The following NRXN1 variants were observed in gnomAD, a reference collection of about 807,000 sequenced individuals.
The protein encoded by NRXN1 is neurexin-1.
Under a neutral mutation model 150.9 loss-of-function variants are expected in NRXN1, and 39 were observed. The ratio of observed to expected loss-of-function variants is 0.26; its 90% CI spans 0.20 to 0.34. The LOEUF (loss-of-function observed/expected upper bound fraction) is 0.34. NRXN1 is among the 10% of genes least tolerant of loss of function. NRXN1 has a pLI of 1.00. For missense variants in NRXN1, 1,815 were observed against 1,949.9 expected, an observed-to-expected ratio of 0.93 and a Z score of 1.30; for synonymous variants, 924 against 757.0, an observed-to-expected ratio of 1.22 and a Z score of -3.62.
intron 10 of NRXN1, among the ~76,000 whole-genome samples, chr2:50,534,315 T>C (rs561596331): frequency 9.5e-4 from 145 of 152,254 alleles, no homozygotes; most frequent in Non-Finnish European, 1.6e-3. Flanking sequence ...TAGGGAAGTG[T>C]CTATTTATCA....
intron 21 of NRXN1, among the ~76,000 whole-genome samples, chr2:50,037,712 T>C (rs1227378964): frequency 1.3e-5 from 2 of 152,212 alleles, no homozygotes; most frequent in Admixed American, 1.3e-4. Context: ...CTGTGACTGC[T>C]CTTTGAGTAC....
At chr2:50,124,438 G>T (rs1704288931) in intron 18 of NRXN1, among the ~76,000 whole-genome samples, 1 of 152,014 alleles carries the variant, frequency 6.6e-6, no homozygotes, top group Non-Finnish European at 1.5e-5. Context: ...ATAGATTCTA[G>T]TGACTTCTCA....
chr2:50,858,705 C>T (rs985581518), intron 5 of NRXN1, among the ~76,000 whole-genome samples: 3 of 152,100 alleles, frequency 2.0e-5, no homozygotes, highest in Admixed American at 2.0e-4. Context: ...GAAATTTAAA[C>T]ATCTGAAAAT....
chr2:50,501,400 A>AGTGTGT (rs368765670), intron 13 of NRXN1, among the ~76,000 whole-genome samples: 55,124 of 148,154 alleles, frequency 0.37, 10,548 homozygotes, highest in Middle Eastern at 0.43. Context: ...TGTGTGTGTG[A>AGTGTGT]GTGTGTGTGT....
Position 50,766,693 on chromosome 2 carries a change from G to C in NRXN1, c.833-143078C>G, listed in dbSNP as rs143814644. Among the ~76,000 whole-genome samples, 871 of 152,102 alleles carry C rather than the reference G, an allele frequency of 5.7e-3. 9 individuals carry two copies. The highest frequency in any genetic ancestry group is 0.02 in the African/African-American group (812 of 41,520). The stretch of plus-strand genomic sequence containing the variant: ...CACAGCCGTGCAAATTTTAAGGACA[G>C]TCTTTTTTGGATAAGGTCCCACCAG... On this transcript the variant is annotated intron_variant, in intron 5 of 22. Coordinates refer to ENST00000401669, the MANE Select transcript of NRXN1 (RefSeq NM_001330078.2).
chr2:50,019,819 G>A (rs1687250207), intron 21 of NRXN1, among the ~76,000 whole-genome samples: 1 of 149,666 alleles, frequency 6.7e-6, no homozygotes, highest in African/African-American at 2.5e-5. Flanking sequence ...ATGGTGGCGG[G>A]CGCCTATAGT....
chr2:50,828,782 C>T (rs894950688), intron 5 of NRXN1, among the ~76,000 whole-genome samples: 2 of 145,988 alleles, frequency 1.4e-5, no homozygotes, highest in South Asian at 2.2e-4. Flanking sequence ...ATGTCCCAGA[C>T]GATAGGCGGC....
intron 12 of NRXN1, among the ~76,000 whole-genome samples, chr2:50,520,028 A>G (rs981271825): frequency 1.4e-4 from 21 of 152,074 alleles, no homozygotes; most frequent in Admixed American, 7.9e-4. Context: ...AAACATTCCT[A>G]TACCATGGCT....
intron 2 of NRXN1, among the ~76,000 whole-genome samples, chr2:50,986,984 CTT>C (rs936926945): frequency 2.6e-5 from 4 of 151,808 alleles, no homozygotes; most frequent in African/African-American, 9.7e-5. Flanking sequence ...ATGGAGGACT[CTT>C]TTCCATTTCA....
chr2:50,996,226 T>A (rs1443625885), intron 2 of NRXN1, among the ~76,000 whole-genome samples: 1 of 152,120 alleles, frequency 6.6e-6, no homozygotes, highest in Non-Finnish European at 1.5e-5. Context: ...ATTATTTTAA[T>A]CCGTATTTTT....
chr2:50,048,397 A>AATGCTATT (rs1162667985), intron 21 of NRXN1, among the ~76,000 whole-genome samples: 1 of 152,146 alleles, frequency 6.6e-6, no homozygotes, highest in Non-Finnish European at 1.5e-5. Flanking sequence ...AATTATAAGT[A>AATGCTATT]ATGCTATTAT....
chr2:50,456,916 T>G (rs936083016), intron 17 of NRXN1, among the ~76,000 whole-genome samples: 2 of 152,116 alleles, frequency 1.3e-5, no homozygotes, highest in African/African-American at 4.8e-5. Flanking sequence ...TAATAAATCA[T>G]TTGGTGCACA....
At chr2:50,667,716 G>A (rs1014435585) in intron 5 of NRXN1, among the ~76,000 whole-genome samples, 4 of 151,806 alleles carry the variant, frequency 2.6e-5, no homozygotes, top group Admixed American at 1.3e-4. Context: ...TTAACATACT[G>A]TATCCCTTCT....
intron 22 of NRXN1, among the ~76,000 whole-genome samples, chr2:49,922,979 A>G (rs543474240): frequency 1.3e-5 from 2 of 152,196 alleles, no homozygotes; most frequent in Admixed American, 1.3e-4. Context: ...TTTTTTGGTC[A>G]AAACTCTGAA....
At chr2:50,371,565 G>A (rs962200124) in intron 17 of NRXN1, among the ~76,000 whole-genome samples, 1 of 152,012 alleles carries the variant, frequency 6.6e-6, no homozygotes, top group East Asian at 1.9e-4. Flanking sequence ...GAGTTGCAAG[G>A]TTAATTAAAT....
chr2:50,134,005 G>C (rs1705980474), intron 18 of NRXN1, among the ~76,000 whole-genome samples: 1 of 152,050 alleles, frequency 6.6e-6, no homozygotes, highest in Non-Finnish European at 1.5e-5. Flanking sequence ...TCACTCGCCT[G>C]GTTACCTGAA....
chr2:50,869,876 T>A (rs1677500793), intron 5 of NRXN1, among the ~76,000 whole-genome samples: 1 of 151,892 alleles, frequency 6.6e-6, no homozygotes, highest in South Asian at 2.1e-4. Flanking sequence ...AAGACTCAAC[T>A]AATTAAATAC....
rs1354491166 is a variant in NRXN1 at position 50,552,975 on chromosome 2, C to T, written c.1371G>A (p.Lys457=). The part of the protein sequence containing the change: ...DVRLELSRLA[K]QGDPKMKIHG... ...GGATCTTCATCTTAGGATCTCCTTG[C>T]TTGGCAAGTCGAGATAATTCCAGCC... The change falls in exon 9 of 23, where the codon AAG becomes AAA. Residue 457 remains lysine (K), a synonymous_variant. Transcript: ENST00000401669. 1.9e-6 allele frequency: 3 copies of T among 1,613,358 alleles called. No individual in the cohort carries two copies. The highest frequency in any genetic ancestry group is 2.7e-5 in the African/African-American group (2 of 75,014).
At chr2:50,450,532 C>T (rs1225217678) in intron 17 of NRXN1, among the ~76,000 whole-genome samples, 1 of 152,106 alleles carries the variant, frequency 6.6e-6, no homozygotes, top group East Asian at 1.9e-4. Flanking sequence ...AATCACTCCA[C>T]TTTCTGTATT....
Sources: gnomAD v4.1 joint callset for allele counts (sites outside exome capture counted in the v4.1 genomes callset) on GRCh38, gnomAD v4.1.1 for gene constraint, MANE v1.5 for transcripts, NCBI Gene and HGNC (gene_info 2026-07-23, HGNC 2026-07-21) for gene names.